The following RETREG1 variants were observed in gnomAD, a reference collection of about 807,000 sequenced individuals.
The protein encoded by RETREG1 is reticulophagy regulator 1.
A neutral mutation model predicts 54.8 loss-of-function variants in RETREG1; 44 were observed. The observed-to-expected ratio is 0.80, with a 90% CI of 0.63 to 1.03. The LOEUF is 1.03. RETREG1 is among the 50% of genes least tolerant of loss of function. The pLI is 0.00. For missense variants in RETREG1, 554 were observed against 605.1 expected (o/e 0.92, Z 0.89); for synonymous variants, 217 against 238.5 (o/e 0.91, Z 0.83).
At chr5:16,543,923 T>C (rs940053467) in intron 3 of RETREG1, among the ~76,000 whole-genome samples, 1 of 151,838 alleles carries the variant, frequency 6.6e-6, no homozygotes, top group Non-Finnish European at 1.5e-5. Context: ...TTTGTTGAAG[T>C]GTCTGTTTAA....
rs386403108 is a variant in RETREG1, at chr5:16,527,800, ATTTTTTTTTT to A, written c.458+37953_458+37962del. On this transcript the variant is annotated intron_variant, in intron 3 of 8. Coordinates refer to ENST00000306320, the MANE Select transcript of RETREG1 (RefSeq NM_001034850.3). ...CTTAGTACAATTTCGAGGGACTCTA[ATTTTTTTTTT>A]TTTTTTTTTTTTTTTTTGAGATGCA... is the stretch of plus-strand genomic sequence containing the variant. 7.9e-3 allele frequency among the ~76,000 whole-genome samples: 525 copies of A among 66,276 alleles called. 14 individuals carry two copies. Among genetic ancestry groups the A allele is most frequent in the African/African-American group, 0.029 (501 of 17,162 alleles). The allele number at this position is 66,276 out of a possible 152,430, so 43.5% of individuals were successfully genotyped here.
intron 3 of RETREG1, among the ~76,000 whole-genome samples, chr5:16,504,650 T>C (rs1579620259): frequency 6.6e-6 from 1 of 152,080 alleles, no homozygotes; most frequent in African/African-American, 2.4e-5. Context: ...ATAACAGCCA[T>C]ATATGTACGT....
chr5:16,581,302 C>T (rs1239922011), intron 1 of RETREG1, among the ~76,000 whole-genome samples: 1 of 152,158 alleles, frequency 6.6e-6, no homozygotes, highest in African/African-American at 2.4e-5. Context: ...TCACACTTCA[C>T]TTACAAAACA....
chr5:16,498,264 C>A (rs955107570), intron 3 of RETREG1, among the ~76,000 whole-genome samples: 1 of 152,222 alleles, frequency 6.6e-6, no homozygotes, highest in East Asian at 1.9e-4. Flanking sequence ...TAGTCTACTA[C>A]GTACCGAGGC....
intron 3 of RETREG1, among the ~76,000 whole-genome samples, chr5:16,541,694 G>GAAGAA (rs774285454): frequency 1.4e-5 from 2 of 144,388 alleles, no homozygotes; most frequent in Non-Finnish European, 3.0e-5. Flanking sequence ...CAGAAAGTAA[G>GAAGAA]AAGAAAAGAA....
At chr5:16,502,413 C>T (rs1739756075) in intron 3 of RETREG1, among the ~76,000 whole-genome samples, 1 of 152,172 alleles carries the variant, frequency 6.6e-6, no homozygotes, top group Admixed American at 6.5e-5. Context: ...TGATGCTGTC[C>T]CAGCTTCTGG....
At chr5:16,508,564 T>C (rs777920717) in intron 3 of RETREG1, 9 of 1,610,882 alleles carry the variant, frequency 5.6e-6, no homozygotes, top group Non-Finnish European at 8.5e-7. Context: ...TACGTACGTA[T>C]ATATCACAAT....
chr5:16,548,285 G>A (rs551410689), intron 3 of RETREG1, among the ~76,000 whole-genome samples: 11 of 152,048 alleles, frequency 7.2e-5, no homozygotes, highest in Non-Finnish European at 1.6e-4. Flanking sequence ...AGGCCTCCTG[G>A]TTATCAGCAG....
intron 1 of RETREG1, among the ~76,000 whole-genome samples, chr5:16,578,579 G>A (rs893035386): frequency 1.3e-5 from 2 of 152,172 alleles, no homozygotes; most frequent in African/African-American, 2.4e-5. Flanking sequence ...CAGAATCACA[G>A]AGCTGGAAGG....
At position 16,473,533 on chromosome 5, in the gene RETREG1, AGATTT is replaced by A. The variant is rs1034069048; in HGVS notation, c.*1203_*1207del. The A allele has an allele frequency of 2.0e-5, 3 of 152,538 alleles. No homozygotes were observed. Among genetic ancestry groups the A allele is most frequent in the African/African-American group, 7.2e-5 (3 of 41,432 alleles). The allele number at this position is 152,538 out of a possible 1,614,324, so 9.4% of individuals were successfully genotyped here. On this transcript the variant is annotated 3_prime_UTR_variant, in exon 9 of 9. Transcript: ENST00000306320. ...CTGCCAAAATGCCAGCTGTACCTGA[AGATTT>A]AAGAGATTTTTGGTAGTTGCTGGCA... is the stretch of plus-strand genomic sequence containing the variant.
chr5:16,491,955 C>T (rs972644096), intron 3 of RETREG1, among the ~76,000 whole-genome samples: 4 of 152,108 alleles, frequency 2.6e-5, no homozygotes, highest in African/African-American at 4.8e-5. Flanking sequence ...GAGATTTCTG[C>T]GGGCAAAACT....
intron 6 of RETREG1, 61 bp downstream of exon 6, chr5:16,478,789 T>C: frequency 6.6e-7 from 1 of 1,520,480 alleles, no homozygotes; most frequent in Non-Finnish European, 9.1e-7. Context: ...AAGAATTTCC[T>C]AAAAATAGCT....
chr5:16,580,783 G>A (rs1290759858), intron 1 of RETREG1, among the ~76,000 whole-genome samples: 1 of 152,192 alleles, frequency 6.6e-6, no homozygotes, highest in African/African-American at 2.4e-5. Context: ...ATCCTCACTA[G>A]AGGGTTGCCT....
At chr5:16,530,096 T>G (rs1740866087) in intron 3 of RETREG1, among the ~76,000 whole-genome samples, 1 of 152,210 alleles carries the variant, frequency 6.6e-6, no homozygotes, top group Admixed American at 6.5e-5. Context: ...ATAAACGCCT[T>G]GCATGCTCAT....
intron 2 of RETREG1, 131 bp from the exon 3 acceptor site, chr5:16,565,924 G>A (rs1741995023): frequency 1.1e-6 from 1 of 946,202 alleles, no homozygotes; most frequent in Non-Finnish European, 1.6e-6. Context: ...ACACCATCAA[G>A]TCATACAGTG....
chr5:16,496,424 C>G (rs1462624490), intron 3 of RETREG1, among the ~76,000 whole-genome samples: 5 of 152,188 alleles, frequency 3.3e-5, no homozygotes, highest in Non-Finnish European at 7.3e-5. Flanking sequence ...TTGCCACCAG[C>G]AGGAAGGGGT....
At chr5:16,577,031 G>GTGCA (rs1217928239) in intron 1 of RETREG1, among the ~76,000 whole-genome samples, 1 of 107,534 alleles carries the variant, frequency 9.3e-6, no homozygotes, top group African/African-American at 2.9e-5. Context: ...TCATTTTTGT[G>GTGCA]TGCACGCACA....
intron 3 of RETREG1, among the ~76,000 whole-genome samples, chr5:16,500,737 T>G (rs1253628498): frequency 6.6e-6 from 1 of 152,152 alleles, no homozygotes; most frequent in Non-Finnish European, 1.5e-5. Context: ...ATACTTTCAC[T>G]CGGCACAGTC....
chr5:16,520,487 A>G (rs1247871476), intron 3 of RETREG1, among the ~76,000 whole-genome samples: 1 of 150,902 alleles, frequency 6.6e-6, no homozygotes, highest in Admixed American at 6.6e-5. Context: ...CCATCACCAC[A>G]CTCGGCTAAT....
Sources: allele counts gnomAD v4.1 joint callset (sites outside exome capture counted in the v4.1 genomes callset), GRCh38; gene constraint gnomAD v4.1.1; transcripts MANE v1.5; gene names NCBI Gene and HGNC (gene_info 2026-07-23, HGNC 2026-07-21).